Variants in CTNNA2 observed in about 807,000 individuals in gnomAD.
The protein encoded by CTNNA2 is catenin alpha 2.
A neutral mutation model predicts 101.0 loss-of-function variants in CTNNA2; 42 were observed. The ratio of observed to expected loss-of-function variants is 0.42; its 90% confidence interval spans 0.32 to 0.54. CTNNA2 has a LOEUF of 0.54. CTNNA2 is among the 20% of genes least tolerant of loss of function. CTNNA2 has a pLI of 0.14. For missense variants in CTNNA2, 871 were observed against 1,223.1 expected, an observed-to-expected ratio of 0.71 and a Z score of 4.29; for synonymous variants, 450 against 456.4, an observed-to-expected ratio of 0.99 and a Z score of 0.18.
intron 1 of CTNNA2, among the ~76,000 whole-genome samples, chr2:79,522,488 G>A (rs1411287780): frequency 6.6e-6 from 1 of 152,192 alleles, no homozygotes. Flanking sequence ...GTCCTGCAGT[G>A]TGGTACTGAT....
chr2:80,208,123 G>A (rs942076002), intron 7 of CTNNA2, among the ~76,000 whole-genome samples: 1 of 152,152 alleles, frequency 6.6e-6, no homozygotes, highest in Non-Finnish European at 1.5e-5. Context: ...ACTTTGCCAA[G>A]GTTTCTAAAT....
chr2:80,357,582 C>A (rs557018249), intron 7 of CTNNA2, among the ~76,000 whole-genome samples: 1 of 152,078 alleles, frequency 6.6e-6, no homozygotes, highest in South Asian at 2.1e-4. Context: ...CAAGTGGGAC[C>A]AATGATGTGT....
intron 4 of CTNNA2, among the ~76,000 whole-genome samples, chr2:79,469,670 G>A (rs1670977479): frequency 6.6e-6 from 1 of 152,140 alleles, no homozygotes; most frequent in Non-Finnish European, 1.5e-5. Flanking sequence ...TCATCAAAAA[G>A]CTTATCCACC....
chr2:80,229,233 T>G (rs1709058579), intron 7 of CTNNA2, among the ~76,000 whole-genome samples: 3 of 152,198 alleles, frequency 2.0e-5, no homozygotes, highest in African/African-American at 7.2e-5. Flanking sequence ...TTTCTTCAGT[T>G]TCCTGCAATT....
At chr2:80,478,672 G>T (rs1286965288) in intron 9 of CTNNA2, among the ~76,000 whole-genome samples, 2 of 151,932 alleles carry the variant, frequency 1.3e-5, no homozygotes, top group Non-Finnish European at 2.9e-5. Flanking sequence ...GCTTTGTTAA[G>T]GATCAACTGA....
chr2:79,486,541 G>T (rs907298682), intron 4 of CTNNA2, among the ~76,000 whole-genome samples: 1 of 152,114 alleles, frequency 6.6e-6, no homozygotes, highest in Non-Finnish European at 1.5e-5. Context: ...ACATACGTGG[G>T]CATGTGTCTT....
At chr2:79,231,045 C>T (rs1220005915) in intron 2 of CTNNA2, among the ~76,000 whole-genome samples, 2 of 152,074 alleles carry the variant, frequency 1.3e-5, no homozygotes, top group African/African-American at 4.8e-5. Flanking sequence ...GTTGTATTGT[C>T]TCAGGTGAGA....
intron 4 of CTNNA2, among the ~76,000 whole-genome samples, chr2:79,862,888 A>C (rs1262977405): frequency 1.3e-5 from 2 of 152,194 alleles, no homozygotes; most frequent in African/African-American, 2.4e-5. Flanking sequence ...TAGTTTTTTA[A>C]AAAGGGAATA....
chr2:80,471,998 T>A (rs1182050750), intron 9 of CTNNA2, among the ~76,000 whole-genome samples: 2 of 152,030 alleles, frequency 1.3e-5, no homozygotes, highest in Admixed American at 1.3e-4. Context: ...TCATGGCACA[T>A]GCCTGTAATC....
chr2:79,540,703 G>A (rs1673353437), intron 1 of CTNNA2, among the ~76,000 whole-genome samples: 1 of 152,162 alleles, frequency 6.6e-6, no homozygotes, highest in Non-Finnish European at 1.5e-5. Flanking sequence ...TGAACCAAAT[G>A]TGATTCAATT....
At chr2:79,667,613 A>G (rs1241000555) in intron 2 of CTNNA2, among the ~76,000 whole-genome samples, 1 of 152,226 alleles carries the variant, frequency 6.6e-6, no homozygotes, top group African/African-American at 2.4e-5. Flanking sequence ...GGGAAGGCAT[A>G]CAAAAGGTAA....
At chr2:79,821,186 A>G (rs1037346907) in intron 3 of CTNNA2, among the ~76,000 whole-genome samples, 1 of 152,100 alleles carries the variant, frequency 6.6e-6, no homozygotes, top group Non-Finnish European at 1.5e-5. Flanking sequence ...TAATTCATTC[A>G]TTTATCTATT....
chr2:80,517,863 A>G (rs1329703723), intron 9 of CTNNA2, among the ~76,000 whole-genome samples: 1 of 152,224 alleles, frequency 6.6e-6, no homozygotes, highest in African/African-American at 2.4e-5. Context: ...TTACTGATCC[A>G]GGAAACTCAT....
intron 3 of CTNNA2, among the ~76,000 whole-genome samples, chr2:79,370,138 T>C (rs1015439107): frequency 3.3e-5 from 5 of 152,192 alleles, no homozygotes; most frequent in African/African-American, 7.2e-5. Flanking sequence ...TCATAATCCC[T>C]GTGAAAGTCC....
intron 1 of CTNNA2, among the ~76,000 whole-genome samples, chr2:79,576,394 A>G (rs1242077294): frequency 6.6e-6 from 1 of 152,188 alleles, no homozygotes; most frequent in Non-Finnish European, 1.5e-5. Context: ...TCAAAACTCA[A>G]TGAACTAAAT....
intron 4 of CTNNA2, among the ~76,000 whole-genome samples, chr2:79,466,797 C>T (rs1293300160): frequency 6.6e-6 from 1 of 152,232 alleles, no homozygotes; most frequent in Non-Finnish European, 1.5e-5. Flanking sequence ...CAAGCTCCAA[C>T]AGAACTGCAG....
At chr2:80,305,408 T>C (rs1676835387) in intron 7 of CTNNA2, 2 of 981,212 alleles carry the variant, frequency 2.0e-6, no homozygotes, top group South Asian at 4.7e-5. Flanking sequence ...ACAGAGTGGA[T>C]TAAAGAACGA....
intron 1 of CTNNA2, among the ~76,000 whole-genome samples, chr2:79,540,954 G>C (rs377391192): frequency 6.6e-5 from 10 of 152,090 alleles, no homozygotes; most frequent in African/African-American, 2.4e-4. Context: ...TATCGGATTG[G>C]TGTGATTAAA....
chr2:79,883,787 G>A (rs1683629692), intron 6 of CTNNA2, among the ~76,000 whole-genome samples: 3 of 152,114 alleles, frequency 2.0e-5, no homozygotes, highest in South Asian at 2.1e-4. Context: ...AATTTCAACT[G>A]ACACTGTTCA....
Sources: allele counts gnomAD v4.1 joint callset (sites outside exome capture counted in the v4.1 genomes callset), GRCh38; gene constraint gnomAD v4.1.1; transcripts MANE v1.5; gene names NCBI Gene and HGNC (gene_info 2026-07-23, HGNC 2026-07-21).